The following NDUFAF6 variants were observed in gnomAD, a reference collection of about 807,000 sequenced individuals.
NDUFAF6 encodes the protein NADH dehydrogenase (ubiquinone) complex I, assembly factor 6.
In NDUFAF6, 45 loss-of-function variants were observed where a neutral mutation model predicts 40.8. That is an observed-to-expected ratio of 1.10 (90% confidence interval 0.87 to 1.42). The LOEUF (loss-of-function observed/expected upper bound fraction) is 1.42, where lower values mean the gene tolerates loss of function less well. Ranked by LOEUF, NDUFAF6 falls within the 40% of genes most tolerant of loss-of-function variation. NDUFAF6 has a pLI of 0.00. For synonymous variants in NDUFAF6, 185 were observed against 155.9 expected (o/e 1.19, Z -1.39); for missense variants, 435 against 418.5 (o/e 1.04, Z -0.34).
chr8:94,967,439 TTC>T (rs1044635469), intron 1 of NDUFAF6, among the ~76,000 whole-genome samples: 8 of 152,294 alleles, frequency 5.3e-5, no homozygotes, highest in African/African-American at 1.9e-4. Flanking sequence ...TCCAAAATAT[TTC>T]TGAGTACCTA....
At chr8:95,117,748 A>G (rs1810165111), downstream of NDUFAF6, among the ~76,000 whole-genome samples, 1 of 152,194 alleles carries the variant, frequency 6.6e-6, no homozygotes, top group Non-Finnish European at 1.5e-5. Context: ...AAAAATTCCT[A>G]TGCAAACTTT....
At chr8:95,086,616 T>A (rs1376325542) in intron 2 of NDUFAF6, among the ~76,000 whole-genome samples, 1 of 150,860 alleles carries the variant, frequency 6.6e-6, no homozygotes, top group African/African-American at 2.4e-5. Flanking sequence ...TTTTTTTTTT[T>A]TTTCGAGACG....
chr8:95,108,212 G>C (rs1347365087), downstream of NDUFAF6, among the ~76,000 whole-genome samples: 1 of 151,984 alleles, frequency 6.6e-6, no homozygotes, highest in Non-Finnish European at 1.5e-5. Flanking sequence ...TTCCACTTCT[G>C]GGTATGTACA....
chr8:95,107,819 G>A (rs771193502), downstream of NDUFAF6, among the ~76,000 whole-genome samples: 1 of 152,188 alleles, frequency 6.6e-6, no homozygotes, highest in Non-Finnish European at 1.5e-5. Flanking sequence ...GGAGCTAGAG[G>A]AGCTTGGGAG....
intron 8 of NDUFAF6, among the ~76,000 whole-genome samples, chr8:95,055,827 T>C (rs1039703265): frequency 2.0e-5 from 3 of 152,224 alleles, no homozygotes; most frequent in Admixed American, 6.5e-5. Flanking sequence ...TATATTGCAA[T>C]GTATAGCATA....
chr8:94,971,644 A>T (rs74564145), intron 1 of NDUFAF6, among the ~76,000 whole-genome samples: 5,901 of 152,212 alleles, frequency 0.039, 249 homozygotes, highest in African/African-American at 0.11. Context: ...ACATATATTT[A>T]AAAAATTCTG....
At chr8:94,906,212 C>T (rs1208794033) in intron 1 of NDUFAF6, among the ~76,000 whole-genome samples, 1 of 152,134 alleles carries the variant, frequency 6.6e-6, no homozygotes, top group Non-Finnish European at 1.5e-5. Context: ...ACAGTCTGCC[C>T]TGCCCTCTTT....
rs1054013715 is a variant in NDUFAF6 at position 94,981,039 on chromosome 8, T to C, written c.-84+66T>C. The stretch of plus-strand genomic sequence containing the variant: ...AAAGAGGCTCTTTCCCCCACCCCAG[T>C]ATTACCATGGTTTTAATATGGTTTA... On this transcript the variant is annotated intron_variant, in intron 2 of 9. Coordinates refer to the NDUFAF6 transcript ENST00000396111. 5.7e-5 allele frequency: 26 copies of C among 453,194 alleles called. No individual in the cohort carries two copies. In the Admixed American group the frequency reaches 6.1e-4, roughly 11 times the overall value. The allele number at this position is 453,194 out of a possible 1,614,324, so 28.1% of individuals were successfully genotyped here.
chr8:95,058,224 A>G lies in NDUFAF6; in HGVS notation c.*287A>G, dbSNP rs555185833. 4.4e-4 allele frequency: 590 copies of G among 1,355,738 alleles called. No homozygotes were observed. The highest frequency in any genetic ancestry group is 1.4e-3 in the Middle Eastern group (5 of 3,678). The allele number at this position is 1,355,738 out of a possible 1,614,324, so 84.0% of individuals were successfully genotyped here. A position where few individuals can be genotyped will look rare whatever the true frequency, so the allele number is the denominator to read the frequency against. ...ATATTGGTGTAGCTGTGCATAGGCC[A>G]TAAGCCACACTTGAGCCAGTGGGCA... On this transcript the variant is annotated 3_prime_UTR_variant, in exon 9 of 9. Transcript: ENST00000396124.
chr8:95,010,519 G>A (rs1827183653), intron 2 of NDUFAF6, among the ~76,000 whole-genome samples: 1 of 152,188 alleles, frequency 6.6e-6, no homozygotes, highest in Non-Finnish European at 1.5e-5. Flanking sequence ...AGAAAGTACT[G>A]TAGCAATATT....
intron 1 of NDUFAF6, among the ~76,000 whole-genome samples, chr8:94,912,706 G>A (rs990621846): frequency 1.3e-4 from 19 of 151,122 alleles, no homozygotes; most frequent in Admixed American, 1.2e-3. Context: ...CCAGCTACTC[G>A]GGAGGCTGAG....
chr8:94,906,756 T>C (rs192810267), intron 1 of NDUFAF6, among the ~76,000 whole-genome samples: 1 of 152,300 alleles, frequency 6.6e-6, no homozygotes, highest in African/African-American at 2.4e-5. Context: ...AGCTTAAGAT[T>C]ATTTTGAGTC....
upstream of NDUFAF6, among the ~76,000 whole-genome samples, chr8:94,957,559 C>T (rs186010843): frequency 1.3e-5 from 2 of 152,314 alleles, no homozygotes; most frequent in East Asian, 1.9e-4. Flanking sequence ...GTGTGACCAC[C>T]TGCAGAGAAG....
Position 95,081,673 on chromosome 8 carries a change from A to G in NDUFAF6, n.213+5921A>G, listed in dbSNP as rs144507823. Among the ~76,000 whole-genome samples the G allele has an allele frequency of 2.0e-3, 302 of 152,352 alleles. 1 individual carries two copies. Among genetic ancestry groups the G allele is most frequent in the Middle Eastern group, 0.014 (4 of 294 alleles). The stretch of plus-strand genomic sequence containing the variant: ...AAGGGAAGAGAGAAATGAAAATACT[A>G]CATTTCAGTGAGAGTCTAGTAAAAA... On this transcript the variant is annotated intron_variant and non_coding_transcript_variant, in intron 2 of 5. Transcript: ENST00000523184.
intron 1 of NDUFAF6, among the ~76,000 whole-genome samples, chr8:94,935,124 TAGATATAGATAG>T: frequency 8.7e-6 from 1 of 115,222 alleles, no homozygotes; most frequent in African/African-American, 3.4e-5. Context: ...CATAGGTAGA[TAGATATAGATAG>T]ATAGATAGAT....
chr8:94,987,317 A>G (rs572155673), intron 2 of NDUFAF6, among the ~76,000 whole-genome samples: 1 of 152,310 alleles, frequency 6.6e-6, no homozygotes, highest in South Asian at 2.1e-4. Flanking sequence ...GCAGAGGGGC[A>G]GTTCTCTCTA....
chr8:94,906,934 T>C (rs1468253336), intron 1 of NDUFAF6, among the ~76,000 whole-genome samples: 3 of 152,224 alleles, frequency 2.0e-5, no homozygotes, highest in Non-Finnish European at 4.4e-5. Context: ...CCGTCAACAT[T>C]ATGTATCCAG....
At chr8:94,981,790 T>C (rs1825463572) in intron 2 of NDUFAF6, among the ~76,000 whole-genome samples, 1 of 152,118 alleles carries the variant, frequency 6.6e-6, no homozygotes, top group South Asian at 2.1e-4. Context: ...CACTATTTGA[T>C]TGGCAGATGT....
chr8:95,053,917 G>C (rs1423871622), intron 8 of NDUFAF6, among the ~76,000 whole-genome samples: 1 of 136,798 alleles, frequency 7.3e-6, no homozygotes, highest in African/African-American at 2.8e-5. Context: ...GTGAGCCACC[G>C]TGCCCGGCTT....
Sources: gnomAD v4.1 joint callset for allele counts (sites outside exome capture counted in the v4.1 genomes callset) on GRCh38, gnomAD v4.1.1 for gene constraint, MANE v1.5 for transcripts, NCBI Gene and HGNC (gene_info 2026-07-23, HGNC 2026-07-21) for gene names.